The following APP variants were observed in gnomAD, a reference collection of about 807,000 sequenced individuals.
APP encodes the protein amyloid beta precursor protein.
APP carries 31 observed loss-of-function variants against 101.4 expected under a neutral mutation model. That is an observed-to-expected ratio of 0.31 (90% CI 0.23 to 0.41). APP has a LOEUF of 0.41. Ranked by LOEUF, APP falls within the 10% of genes least tolerant of loss-of-function variation. The probability of loss-of-function intolerance (pLI) is 1.00; values close to 1 mark genes in which losing one functional copy is unlikely to be tolerated. For missense variants in APP, 839 were observed against 1,003.7 expected (o/e 0.84, Z 2.22); for synonymous variants, 366 against 364.4 (o/e 1.00, Z -0.05).
intron 1 of APP, among the ~76,000 whole-genome samples, chr21:26,124,374 A>G (rs1464508591): frequency 6.6e-6 from 1 of 152,230 alleles, no homozygotes; most frequent in Non-Finnish European, 1.5e-5. Flanking sequence ...AGAAAACAAG[A>G]AGGCTTAAAA....
chr21:25,902,061 A>G (rs879439725), intron 15 of APP, among the ~76,000 whole-genome samples: 4 of 152,158 alleles, frequency 2.6e-5, no homozygotes, highest in African/African-American at 4.8e-5. Flanking sequence ...TGTTATTACA[A>G]TGGTCCCTAC....
intron 6 of APP, among the ~76,000 whole-genome samples, chr21:26,005,631 T>G (rs2043498192): frequency 6.6e-6 from 1 of 152,182 alleles, no homozygotes; most frequent in Non-Finnish European, 1.5e-5. Context: ...CACTGAGACC[T>G]GAAACACATC....
At chr21:26,075,384 T>A (rs1300328223) in intron 3 of APP, among the ~76,000 whole-genome samples, 1 of 152,216 alleles carries the variant, frequency 6.6e-6, no homozygotes, top group African/African-American at 2.4e-5. Context: ...AATTATTGTT[T>A]CCTCTTATCA....
At chr21:26,123,828 T>C (rs1569002689) in intron 1 of APP, among the ~76,000 whole-genome samples, 2 of 152,168 alleles carry the variant, frequency 1.3e-5, no homozygotes, top group East Asian at 3.9e-4. Flanking sequence ...TCAGAGGCAA[T>C]CTGATATTGA....
At chr21:25,976,357 C>A (rs1404782415) in intron 9 of APP, among the ~76,000 whole-genome samples, 1 of 152,068 alleles carries the variant, frequency 6.6e-6, no homozygotes, top group Non-Finnish European at 1.5e-5. Context: ...CACACATTAA[C>A]TGAACAAGGT....
At chr21:26,108,987 C>G (rs949040204) in intron 2 of APP, among the ~76,000 whole-genome samples, 1 of 152,162 alleles carries the variant, frequency 6.6e-6, no homozygotes, top group Admixed American at 6.5e-5. Context: ...AAATGGCTCA[C>G]AAGGTATGAT....
At chr21:26,155,582 A>G (rs1416400881) in intron 1 of APP, among the ~76,000 whole-genome samples, 1 of 152,266 alleles carries the variant, frequency 6.6e-6, no homozygotes, top group African/African-American at 2.4e-5. Context: ...TATGGAATAC[A>G]GACCTGTAGG....
intron 2 of APP, among the ~76,000 whole-genome samples, chr21:26,094,978 T>G (rs1313333577): frequency 2.0e-5 from 3 of 152,268 alleles, no homozygotes; most frequent in Non-Finnish European, 1.5e-5. Flanking sequence ...CCTGAGTAGC[T>G]GGGACTACAG....
intron 5 of APP, among the ~76,000 whole-genome samples, chr21:26,034,102 C>T (rs2044976054): frequency 6.6e-6 from 1 of 152,144 alleles, no homozygotes; most frequent in Non-Finnish European, 1.5e-5. Context: ...TAAAGAGCTG[C>T]CATTCCTGAA....
chr21:25,890,877 C>G (rs2037650590), intron 17 of APP, among the ~76,000 whole-genome samples: 1 of 152,068 alleles, frequency 6.6e-6, no homozygotes, highest in African/African-American at 2.4e-5. Context: ...AATCTTTCAG[C>G]TCTAAAAATT....
intron 1 of APP, among the ~76,000 whole-genome samples, chr21:26,135,997 T>C (rs1200603915): frequency 6.6e-6 from 1 of 151,136 alleles, no homozygotes; most frequent in Non-Finnish European, 1.5e-5. Context: ...CCAGGCATCG[T>C]GGTGCACACC....
At chr21:26,115,248 T>C (rs1244364865) in intron 1 of APP, among the ~76,000 whole-genome samples, 2 of 152,228 alleles carry the variant, frequency 1.3e-5, no homozygotes, top group Non-Finnish European at 2.9e-5. Context: ...ATAGATCTTC[T>C]TACATTTGAC....
At chr21:26,035,784 G>A (rs1294407569) in intron 5 of APP, among the ~76,000 whole-genome samples, 1 of 152,150 alleles carries the variant, frequency 6.6e-6, no homozygotes, top group Non-Finnish European at 1.5e-5. Context: ...GAGATTAGCA[G>A]GATACGGAAA....
intron 3 of APP, among the ~76,000 whole-genome samples, chr21:26,078,425 C>T (rs2061536941): frequency 1.3e-5 from 2 of 152,054 alleles, no homozygotes; most frequent in African/African-American, 2.4e-5. Context: ...ATATATTTTA[C>T]ATATTTATAT....
At chr21:25,911,423 C>A (rs923875493) in intron 14 of APP, among the ~76,000 whole-genome samples, 4 of 152,170 alleles carry the variant, frequency 2.6e-5, no homozygotes, top group Non-Finnish European at 5.9e-5. Flanking sequence ...CCTTTACCTG[C>A]AAATGTTATG....
At chr21:25,973,307 C>T (rs1452066604) in intron 11 of APP, among the ~76,000 whole-genome samples, 1 of 152,066 alleles carries the variant, frequency 6.6e-6, no homozygotes, top group Non-Finnish European at 1.5e-5. Context: ...AAACGCAAGA[C>T]CCAATTACAT....
At chr21:26,059,890 CAAAAAAAAAAAAAAAAAAA>C (rs57594630) in intron 3 of APP, among the ~76,000 whole-genome samples, 29 of 70,660 alleles carry the variant, frequency 4.1e-4, no homozygotes, top group African/African-American at 9.2e-4. Context: ...GACTCCGTCT[CAAAAAAAAAAAAAAAAAAA>C]AAAAAAAAAA....
At chr21:25,944,185 C>G (rs2040705403) in intron 13 of APP, among the ~76,000 whole-genome samples, 1 of 152,208 alleles carries the variant, frequency 6.6e-6, no homozygotes, top group Admixed American at 6.5e-5. Context: ...ACACATTAAA[C>G]AGGCTTTTTT....
At position 25,881,589 on chromosome 21, in the gene APP, A is replaced by C. The variant is rs2036986322; in HGVS notation, c.*81T>G. The C allele has an allele frequency of 2.7e-6, 4 of 1,480,842 alleles. No individual in the cohort carries two copies. In the Admixed American group the frequency reaches 5.0e-5, roughly 19 times the overall value. The allele number at this position is 1,480,842 out of a possible 1,614,324, so 91.7% of individuals were successfully genotyped here. A position where few individuals can be genotyped will look rare whatever the true frequency, so the allele number is the denominator to read the frequency against. On this transcript the variant is annotated 3_prime_UTR_variant, in exon 18 of 18. Coordinates refer to ENST00000346798, the MANE Select transcript of APP (RefSeq NM_000484.4). ...TCATAAAACGGGTTTGTTTCTTCCC[A>C]CATTATTCTATAAATGGACACCGAT...
Sources: gnomAD v4.1 joint callset for allele counts (sites outside exome capture counted in the v4.1 genomes callset) on GRCh38, gnomAD v4.1.1 for gene constraint, MANE v1.5 for transcripts, NCBI Gene and HGNC (gene_info 2026-07-23, HGNC 2026-07-21) for gene names.